USP32: variants seen among roughly 807,000 people sequenced by gnomAD.
USP32 encodes the protein ubiquitin carboxyl-terminal hydrolase 32.
In USP32, 59 loss-of-function variants were observed where a neutral mutation model predicts 204.8. That is an observed-to-expected ratio of 0.29 (90% CI 0.23 to 0.36). USP32 has a LOEUF of 0.36. Among genes scored for constraint, USP32 ranks in the 10% least tolerant of loss-of-function variants. USP32 has a pLI of 1.00. For synonymous variants in USP32, 517 were observed against 678.4 expected (o/e 0.76, Z 3.70); for missense variants, 1,160 against 1,946.4 (o/e 0.60, Z 7.60).
intron 2 of USP32, among the ~76,000 whole-genome samples, chr17:60,324,302 A>ATT (rs1555614118): frequency 1.1e-3 from 168 of 149,306 alleles, no homozygotes; most frequent in African/African-American, 3.8e-3. Context: ...ATATATATAT[A>ATT]TTTTAATTAA....
Position 60,345,570 on chromosome 17 carries a change from T to C in USP32, c.97A>G (p.Lys33Glu). The C allele has an allele frequency of 6.2e-7, 1 of 1,614,190 alleles. No individual in the cohort carries two copies. The highest frequency in any genetic ancestry group is 8.5e-7 in the Non-Finnish European group (1 of 1,180,016). ...VELKRLKDAF[K>E]RTCGLSYYMG... Reference sequence around the variant, plus strand: ...TAATATGAGAGTCCACAGGTCCTCTTGAAAGCATCCTTCAGTCGTTTTAGC... The same window carrying C: ...TAATATGAGAGTCCACAGGTCCTCTCGAAAGCATCCTTCAGTCGTTTTAGC... Residue 33 changes from lysine to glutamate, a missense_variant, in exon 2 of 34, where the codon AAG becomes GAG. Lys to Glu is a moderately conservative substitution (Grantham distance 56). Transcript: ENST00000300896.
At chr17:60,255,282 G>C in intron 9 of USP32, 24 bp from the exon 10 acceptor site, 1 of 1,516,058 alleles carries the variant, frequency 6.6e-7, no homozygotes, top group East Asian at 2.3e-5. Flanking sequence ...ACTCATGTTA[G>C]GAACATCTTT....
At chr17:60,300,599 T>C (rs1437919313) in intron 3 of USP32, among the ~76,000 whole-genome samples, 1 of 152,210 alleles carries the variant, frequency 6.6e-6, no homozygotes, top group African/African-American at 2.4e-5. Flanking sequence ...TAAAATGTTA[T>C]CAGGTAAGTA....
At chr17:60,210,353 C>T (rs2145502780) in intron 21 of USP32, among the ~76,000 whole-genome samples, 3 of 151,816 alleles carry the variant, frequency 2.0e-5, no homozygotes, top group Admixed American at 2.0e-4. Flanking sequence ...ACTCTGTTGC[C>T]CAGGCTGGAG....
chr17:60,193,449 C>T (rs2145417768), intron 27 of USP32, among the ~76,000 whole-genome samples: 1 of 152,194 alleles, frequency 6.6e-6, no homozygotes, highest in South Asian at 2.1e-4. Flanking sequence ...TTTTAACTGC[C>T]AATGATTATG....
chr17:60,363,941 C>T (rs919011512), intron 1 of USP32, among the ~76,000 whole-genome samples: 3 of 151,952 alleles, frequency 2.0e-5, no homozygotes, highest in African/African-American at 7.3e-5. Context: ...TTTCAGCTTC[C>T]CTAAAGTAAT....
At chr17:60,367,806 T>TAAAACAA (rs1218941852) in intron 1 of USP32, among the ~76,000 whole-genome samples, 1 of 151,970 alleles carries the variant, frequency 6.6e-6, no homozygotes, top group African/African-American at 2.4e-5. Context: ...AGACCCTGTC[T>TAAAACAA]AAAACAAAAC....
chr17:60,255,160 T>C lies in USP32; in HGVS notation c.1074+15A>G. 1 of 1,600,398 alleles carries C rather than the reference T, an allele frequency of 6.2e-7. No individual in the cohort carries two copies. ...TACTACTACCCTCTGTTGCTGTCAT[T>C]TACCTTAAACATACCTGGAAAAGGA... On this transcript the variant is annotated intron_variant, in intron 10 of 33. Coordinates refer to ENST00000300896, the MANE Select transcript of USP32 (RefSeq NM_032582.4).
At chr17:60,279,492 A>G (rs1301573177) in intron 5 of USP32, among the ~76,000 whole-genome samples, 1 of 147,694 alleles carries the variant, frequency 6.8e-6, no homozygotes, top group East Asian at 2.2e-4. Context: ...AAAAAAAAAG[A>G]AAAAAAAAAC....
intron 1 of USP32, chr17:60,421,773 C>T (rs1368865415): frequency 6.6e-6 from 6 of 905,566 alleles, no homozygotes; most frequent in South Asian, 1.0e-4. Flanking sequence ...GGCCTCGGGT[C>T]CCTGGAGGGC....
chr17:60,419,153 G>C (rs1357814022), intron 1 of USP32, among the ~76,000 whole-genome samples: 1 of 152,120 alleles, frequency 6.6e-6, no homozygotes, highest in African/African-American at 2.4e-5. Flanking sequence ...AGAAAATGTG[G>C]TAATATCCAT....
intron 2 of USP32, among the ~76,000 whole-genome samples, chr17:60,341,094 C>T (rs1177094057): frequency 6.7e-6 from 1 of 150,284 alleles, no homozygotes; most frequent in South Asian, 2.1e-4. Flanking sequence ...TCTCTGGCTG[C>T]CCTTAACATT....
intron 2 of USP32, among the ~76,000 whole-genome samples, chr17:60,343,661 G>A (rs983721164): frequency 1.3e-5 from 2 of 152,190 alleles, no homozygotes; most frequent in East Asian, 1.9e-4. Context: ...AGTGTGTAGA[G>A]GGAAATTTAT....
chr17:60,345,373 A>G (rs2088760882), intron 2 of USP32, 108 bp downstream of exon 2: 1 of 1,476,200 alleles, frequency 6.8e-7, no homozygotes, highest in Admixed American at 2.3e-5. Flanking sequence ...AGGAAGAAAA[A>G]TAACTACAGG....
intron 11 of USP32, among the ~76,000 whole-genome samples, chr17:60,238,803 CAA>C (rs562875704): frequency 5.6e-4 from 54 of 95,702 alleles, no homozygotes; most frequent in African/African-American, 1.4e-3. Flanking sequence ...GACTCCATCT[CAA>C]AAAAAAAAAA....
intron 5 of USP32, among the ~76,000 whole-genome samples, chr17:60,281,584 T>C (rs1321196689): frequency 6.6e-6 from 1 of 152,064 alleles, no homozygotes; most frequent in Non-Finnish European, 1.5e-5. Context: ...AGTCCTTTTA[T>C]TAATAATAAC....
chr17:60,392,448 G>A (rs1410361071), upstream of USP32: 1 of 233,558 alleles, frequency 4.3e-6, no homozygotes. Flanking sequence ...GCTGGCGACG[G>A]GGGGTGGTGA....
chr17:60,421,572 G>T, intron 1 of USP32: 1 of 985,402 alleles, frequency 1.0e-6, no homozygotes, highest in Non-Finnish European at 1.2e-6. Context: ...GGAAGAAAAG[G>T]TGGCTCGAGT....
intron 1 of USP32, among the ~76,000 whole-genome samples, chr17:60,361,713 C>T (rs2089210342): frequency 6.6e-6 from 1 of 152,068 alleles, no homozygotes; most frequent in South Asian, 2.1e-4. Context: ...CTAAGGGTAG[C>T]TGTTTAAATA....
Sources: gnomAD v4.1 joint callset for allele counts (sites outside exome capture counted in the v4.1 genomes callset) on GRCh38, gnomAD v4.1.1 for gene constraint, MANE v1.5 for transcripts, NCBI Gene and HGNC (gene_info 2026-07-23, HGNC 2026-07-21) for gene names.